Variants in INPP4B observed in about 807,000 individuals in gnomAD.
INPP4B encodes inositol polyphosphate-4-phosphatase type II B.
Under a neutral mutation model 122.5 loss-of-function variants are expected in INPP4B, and 55 were observed. The ratio of observed to expected loss-of-function variants is 0.45; its 90% confidence interval spans 0.36 to 0.56. The LOEUF (loss-of-function observed/expected upper bound fraction) is 0.56. Among genes scored for constraint, INPP4B ranks in the 20% least tolerant of loss-of-function variants. The probability of loss-of-function intolerance (pLI) is 0.00; values close to 1 mark genes in which losing one functional copy is unlikely to be tolerated. For missense variants in INPP4B, 1,000 were observed against 1,097.7 expected (o/e 0.91, Z 1.26); for synonymous variants, 403 against 388.7 (o/e 1.04, Z -0.43).
intron 2 of INPP4B, among the ~76,000 whole-genome samples, chr4:142,553,385 A>G (rs1006742649): frequency 1.2e-4 from 19 of 152,338 alleles, no homozygotes; most frequent in Admixed American, 1.2e-3. Flanking sequence ...ACTAAGTTCA[A>G]GATGCTGGCT....
intron 11 of INPP4B, among the ~76,000 whole-genome samples, chr4:142,243,799 G>A (rs570836953): frequency 6.6e-6 from 1 of 152,178 alleles, no homozygotes; most frequent in African/African-American, 2.4e-5. Flanking sequence ...TGTTTGGATG[G>A]GGGTGGTAAT....
intron 2 of INPP4B, among the ~76,000 whole-genome samples, chr4:142,478,219 C>A (rs1052263006): frequency 6.6e-6 from 1 of 152,158 alleles, no homozygotes; most frequent in Non-Finnish European, 1.5e-5. Context: ...ATAAAGCCTG[C>A]AAACAGCTAG....
intron 25 of INPP4B, among the ~76,000 whole-genome samples, chr4:142,062,302 C>T (rs1216700927): frequency 2.6e-5 from 4 of 152,106 alleles, no homozygotes; most frequent in Non-Finnish European, 5.9e-5. Context: ...CACAGCACCA[C>T]ACCATCACAC....
At chr4:142,770,188 A>C (rs1460808508) in intron 1 of INPP4B, among the ~76,000 whole-genome samples, 1 of 152,206 alleles carries the variant, frequency 6.6e-6, no homozygotes, top group East Asian at 1.9e-4. Context: ...TGGTTGGTTT[A>C]CAAAATCAGA....
At chr4:142,340,309 G>A (rs975406631) in intron 7 of INPP4B, among the ~76,000 whole-genome samples, 9 of 152,100 alleles carry the variant, frequency 5.9e-5, no homozygotes, top group African/African-American at 2.2e-4. Context: ...AGGTAGCAGA[G>A]GCAATTGTGG....
In INPP4B at chr4:142,159,119, C is replaced by T. The variant is rs549831916; in HGVS notation, c.1563+1239G>A. ...ATATAATGCATTTGCCTTGGCATTT[C>T]CAGGAAATGGAGCATTGTAACATGG... On this transcript the variant is annotated intron_variant, in intron 17 of 25. Coordinates refer to ENST00000262992, the MANE Select transcript of INPP4B (RefSeq NM_001101669.3). Among the ~76,000 whole-genome samples, 142 of 151,868 alleles carry T rather than the reference C, an allele frequency of 9.4e-4. 4 individuals carry two copies. The South Asian group carries it at 0.028, about 30-fold the overall frequency.
At chr4:142,621,742 TAATAA>T (rs1744980134) in intron 2 of INPP4B, among the ~76,000 whole-genome samples, 1 of 151,768 alleles carries the variant, frequency 6.6e-6, no homozygotes, top group African/African-American at 2.4e-5. Flanking sequence ...TCTATGTACA[TAATAA>T]AATATCACAC....
At chr4:142,652,722 C>T (rs1157723661) in intron 2 of INPP4B, among the ~76,000 whole-genome samples, 1 of 152,118 alleles carries the variant, frequency 6.6e-6, no homozygotes, top group Non-Finnish European at 1.5e-5. Flanking sequence ...AGGACACAAA[C>T]AAATGGAAGA....
intron 7 of INPP4B, among the ~76,000 whole-genome samples, chr4:142,381,080 C>T (rs904304561): frequency 6.6e-6 from 1 of 152,082 alleles, no homozygotes; most frequent in Non-Finnish European, 1.5e-5. Flanking sequence ...TTCCATATAT[C>T]TTTAAGTCCT....
chr4:142,211,008 T>C lies in INPP4B; in HGVS notation c.837-1982A>G, dbSNP rs186455453. 3.4e-4 allele frequency among the ~76,000 whole-genome samples: 52 copies of C among 152,304 alleles called. 1 individual carries two copies. The East Asian group carries it at 5.4e-3, about 16-fold the overall frequency. Reference sequence around the variant, plus strand: ...TTTTGTTTAAAATGTATTGCACTCTTCCATTATGCCACAATTTATACAGAG... The same window carrying C: ...TTTTGTTTAAAATGTATTGCACTCTCCCATTATGCCACAATTTATACAGAG... On this transcript the variant is annotated intron_variant, in intron 12 of 25. Coordinates refer to ENST00000262992, the MANE Select transcript of INPP4B (RefSeq NM_001101669.3).
chr4:142,250,785 C>T (rs767863311), intron 11 of INPP4B, among the ~76,000 whole-genome samples: 1 of 151,996 alleles, frequency 6.6e-6, no homozygotes, highest in African/African-American at 2.4e-5. Flanking sequence ...CTGGGTGGTC[C>T]TCCAGGCTGA....
chr4:142,401,092 C>G (rs539277666), intron 7 of INPP4B, among the ~76,000 whole-genome samples: 2 of 152,206 alleles, frequency 1.3e-5, no homozygotes, highest in East Asian at 3.9e-4. Flanking sequence ...CTTTGCAGAA[C>G]GTAAAATCCT....
At chr4:142,279,162 A>T (rs536716697) in intron 9 of INPP4B, among the ~76,000 whole-genome samples, 1 of 152,116 alleles carries the variant, frequency 6.6e-6, no homozygotes, top group South Asian at 2.1e-4. Flanking sequence ...GTCTAAATAA[A>T]TAGACATATA....
intron 2 of INPP4B, among the ~76,000 whole-genome samples, chr4:142,608,793 A>G (rs2150328356): frequency 6.6e-6 from 1 of 152,286 alleles, no homozygotes; most frequent in Middle Eastern, 3.4e-3. Context: ...GTTACTTTCA[A>G]GATCCTCTCT....
intron 2 of INPP4B, among the ~76,000 whole-genome samples, chr4:142,509,499 T>C (rs960976712): frequency 3.3e-5 from 5 of 152,150 alleles, no homozygotes; most frequent in Admixed American, 6.5e-5. Context: ...GTTCCTGTGT[T>C]AGTTTGCTGA....
Position 142,054,954 on chromosome 4 carries a change from A to G in INPP4B, c.2643-26040T>C, listed in dbSNP as rs994935840. 2.0e-5 allele frequency among the ~76,000 whole-genome samples: 3 copies of G among 152,038 alleles called. No individual in the cohort carries two copies. In the East Asian group the frequency reaches 5.8e-4, roughly 29 times the overall value. On this transcript the variant is annotated intron_variant, in intron 25 of 25. Transcript: ENST00000262992. ...TTAAAATCAGTCAATTTCAACTATA[A>G]TCATTCACTAAAGATTGCCTACTAA...
chr4:142,601,177 C>A (rs1290188520), intron 2 of INPP4B, among the ~76,000 whole-genome samples: 1 of 151,900 alleles, frequency 6.6e-6, no homozygotes, highest in African/African-American at 2.4e-5. Flanking sequence ...TGCACTTAAG[C>A]AAGAAAAACC....
intron 1 of INPP4B, among the ~76,000 whole-genome samples, chr4:142,782,958 C>T (rs1348989690): frequency 6.6e-6 from 1 of 152,012 alleles, no homozygotes; most frequent in African/African-American, 2.4e-5. Context: ...ACTGGCTAGC[C>T]ATATGTAGAA....
intron 11 of INPP4B, among the ~76,000 whole-genome samples, chr4:142,259,036 G>T (rs1304623168): frequency 6.6e-6 from 1 of 152,162 alleles, no homozygotes; most frequent in Non-Finnish European, 1.5e-5. Flanking sequence ...AAAAAATGAT[G>T]AGTTCATGTC....
Sources: allele counts gnomAD v4.1 joint callset (sites outside exome capture counted in the v4.1 genomes callset), GRCh38; gene constraint gnomAD v4.1.1; transcripts MANE v1.5; gene names NCBI Gene and HGNC (gene_info 2026-07-23, HGNC 2026-07-21).